FAM153A: variants seen among roughly 807,000 people sequenced by gnomAD.
The protein encoded by FAM153A is protein FAM153A.
In FAM153A, 12 loss-of-function variants were observed where a neutral mutation model predicts 48.1. The observed-to-expected ratio is 0.25, with a 90% CI of 0.16 to 0.40. The LOEUF (loss-of-function observed/expected upper bound fraction) is 0.40, where lower values mean the gene tolerates loss of function less well. Ranked by LOEUF, FAM153A falls within the 10% of genes least tolerant of loss-of-function variation. The probability of loss-of-function intolerance (pLI) is 1.00; values close to 1 mark genes in which losing one functional copy is unlikely to be tolerated. For synonymous variants in FAM153A, 36 were observed against 118.2 expected, an observed-to-expected ratio of 0.30 and a Z score of 4.51; for missense variants, 111 against 345.8, an observed-to-expected ratio of 0.32 and a Z score of 5.38.
At chr5:177,761,509 G>A (rs1768318623) in intron 1 of FAM153A, among the ~76,000 whole-genome samples, 2 of 151,724 alleles carry the variant, frequency 1.3e-5, no homozygotes, top group Non-Finnish European at 2.9e-5. Context: ...GATGCCTCTG[G>A]CCTGGGCAAC....
chr5:177,696,891 C>T, the FAM153A span, among the ~76,000 whole-genome samples: 1 of 151,342 alleles, frequency 6.6e-6, no homozygotes, highest in African/African-American at 2.4e-5. Flanking sequence ...AGTCCTCCAA[C>T]TTTGTTCTTT....
chr5:177,714,116 A>T (rs1257780677), intron 25 of FAM153A: 1 of 151,588 alleles, frequency 6.6e-6, no homozygotes, highest in Non-Finnish European at 1.5e-5. Flanking sequence ...TTAGTGGCAA[A>T]GCTTCCAGCA....
chr5:177,722,083 A>G (rs1761149578), downstream of FAM153A: 2 of 149,168 alleles, frequency 1.3e-5, no homozygotes, highest in African/African-American at 4.9e-5. Context: ...TACAAGAACA[A>G]TTTGTGCCCT....
At chr5:177,697,292 T>C in the FAM153A span, among the ~76,000 whole-genome samples, 1 of 151,808 alleles carries the variant, frequency 6.6e-6, no homozygotes, top group East Asian at 1.9e-4. Context: ...TTTTGTGTAT[T>C]GATCTTATGT....
chr5:177,759,348 G>A lies in FAM153A; in HGVS notation c.-56-10649C>T, dbSNP rs955967029. 4.6e-5 allele frequency among the ~76,000 whole-genome samples: 7 copies of A among 151,660 alleles called. 1 individual carries two copies. Among genetic ancestry groups the A allele is most frequent in the African/African-American group, 1.5e-4 (6 of 40,978 alleles). On this transcript the variant is annotated intron_variant, in intron 1 of 8. Coordinates refer to the FAM153A transcript ENST00000393518. ...TGCTGGAGAGGATGTGGAGAAATAG[G>A]AACACTTACACTGTTGGTGGGACTG...
At chr5:177,734,664 A>C (rs1412263875) in intron 13 of FAM153A, among the ~76,000 whole-genome samples, 199 bp downstream of exon 15, 4 of 146,322 alleles carry the variant, frequency 2.7e-5, no homozygotes, top group African/African-American at 1.1e-4. Context: ...ACTGTTACAC[A>C]ACAGGTGACT....
intron 1 of FAM153A, among the ~76,000 whole-genome samples, chr5:177,771,970 T>G (rs1164376589): frequency 1.1e-5 from 1 of 91,726 alleles, no homozygotes; most frequent in South Asian, 3.9e-4. Flanking sequence ...ATTTTGCTTG[T>G]ACTCTTTCAT....
upstream of FAM153A, among the ~76,000 whole-genome samples, chr5:177,754,390 T>TG: frequency 6.6e-6 from 1 of 151,780 alleles, no homozygotes; most frequent in South Asian, 2.1e-4. Context: ...TGCCTGCCTC[T>TG]GTAGACTCCA....
chr5:177,718,848 A>G (rs1280824614), downstream of FAM153A, among the ~76,000 whole-genome samples: 4 of 150,540 alleles, frequency 2.7e-5, no homozygotes, highest in Non-Finnish European at 5.9e-5. Flanking sequence ...TTTGTAATCA[A>G]AAATACCCAT....
chr5:177,702,879 A>C, the FAM153A span, among the ~76,000 whole-genome samples: 4 of 151,760 alleles, frequency 2.6e-5, no homozygotes, highest in Non-Finnish European at 5.9e-5. Context: ...GGATGTATAG[A>C]AAAGCCTGAA....
chr5:177,743,532 G>A (rs144681708), intron 6 of FAM153A, among the ~76,000 whole-genome samples: 16,416 of 105,428 alleles, frequency 0.16, 408 homozygotes, highest in South Asian at 0.23. Flanking sequence ...TCAATATGAG[G>A]CCTCAATGGA....
At chr5:177,764,851 GA>G (rs1342545936) in intron 1 of FAM153A, among the ~76,000 whole-genome samples, 1 of 141,926 alleles carries the variant, frequency 7.0e-6, no homozygotes, top group Non-Finnish European at 1.5e-5. Context: ...GCTCCATGGG[GA>G]TGGCAATGTA....
At chr5:177,752,634 A>G (rs1767096846) in intron 1 of FAM153A, among the ~76,000 whole-genome samples, 1 of 133,418 alleles carries the variant, frequency 7.5e-6, no homozygotes, top group South Asian at 2.4e-4. Context: ...AAAAAAAAAA[A>G]AAAAAAAAGA....
chr5:177,779,221 TTA>T (rs1769467776), intron 1 of FAM153A, among the ~76,000 whole-genome samples: 1 of 147,816 alleles, frequency 6.8e-6, no homozygotes, highest in South Asian at 2.2e-4. Flanking sequence ...GTAGGCTGTG[TTA>T]TCCACTACTC....
At position 177,778,507 on chromosome 5, in the gene FAM153A, A is replaced by G. The variant is rs184652744; in HGVS notation, c.-57+1942T>C. Among the ~76,000 whole-genome samples, 13 of 94,452 alleles carry G rather than the reference A, an allele frequency of 1.4e-4. 2 individuals are homozygous for G. The highest frequency in any genetic ancestry group is 5.5e-4 in the African/African-American group (13 of 23,736). The allele number at this position is 94,452 out of a possible 152,430, so 62.0% of individuals were successfully genotyped here. ...AGGCCAGGTGTGGTGGCTCACATCCATAAAATCCTAGCATTTTGGGAGGCC... is the reference window on the plus strand; with the variant it reads ...AGGCCAGGTGTGGTGGCTCACATCCGTAAAATCCTAGCATTTTGGGAGGCC... On this transcript the variant is annotated intron_variant, in intron 1 of 8. Coordinates refer to the FAM153A transcript ENST00000393518.
At chr5:177,754,105 G>C (rs1313076285), upstream of FAM153A, among the ~76,000 whole-genome samples, 1 of 151,790 alleles carries the variant, frequency 6.6e-6, no homozygotes, top group Non-Finnish European at 1.5e-5. Flanking sequence ...AGGGATGACA[G>C]GCTGCACCTG....
At position 177,760,235 on chromosome 5, in the gene FAM153A, CTT is replaced by C. The variant is rs56901584; in HGVS notation, c.-56-11538_-56-11537del. Among the ~76,000 whole-genome samples the C allele has an allele frequency of 4.7e-3, 451 of 96,232 alleles. 9 individuals carry two copies. The highest frequency in any genetic ancestry group is 0.016 in the African/African-American group (383 of 24,044). 63.1% of individuals were successfully genotyped at this position (96,232 alleles called of 152,430 possible). A position where few individuals can be genotyped will look rare whatever the true frequency, so the allele number is the denominator to read the frequency against. Reference sequence around the variant, plus strand: ...CTCTTAATGCCAAATTGGGAAAGACCTTTTTTTTTTTTTTTTTTTGAGATGGA... The same window carrying C: ...CTCTTAATGCCAAATTGGGAAAGACCTTTTTTTTTTTTTTTTTGAGATGGA... On this transcript the variant is annotated intron_variant, in intron 1 of 8. Coordinates refer to the FAM153A transcript ENST00000393518.
At chr5:177,711,470 C>T (rs1466338562) in exon 27 of FAM153A, 2 of 151,572 alleles carry the variant, frequency 1.3e-5, no homozygotes, top group Non-Finnish European at 2.9e-5. Flanking sequence ...ACTGGAGAAG[C>T]CATGACTTTT....
intron 1 of FAM153A, among the ~76,000 whole-genome samples, chr5:177,768,264 G>A (rs1768863581): frequency 6.7e-6 from 1 of 150,294 alleles, no homozygotes; most frequent in African/African-American, 2.5e-5. Flanking sequence ...CACCCTGTAG[G>A]AGCCTCCATG....
Sources: gnomAD v4.1 joint callset for allele counts (sites outside exome capture counted in the v4.1 genomes callset) on GRCh38, gnomAD v4.1.1 for gene constraint, MANE v1.5 for transcripts, NCBI Gene and HGNC (gene_info 2026-07-23, HGNC 2026-07-21) for gene names.